Variants in MAGED1 observed in about 807,000 individuals in gnomAD.
MAGED1 encodes MAGE family member D1, also known as melanoma-associated antigen D1.
A neutral mutation model predicts 54.1 loss-of-function variants in MAGED1; 3 were observed. The observed-to-expected ratio is 0.06, with a 90% CI of 0.03 to 0.14. The LOEUF (loss-of-function observed/expected upper bound fraction) is 0.14. MAGED1 is among the 10% of genes least tolerant of loss of function. MAGED1 has a pLI of 1.00. For missense variants in MAGED1, 485 were observed against 623.4 expected (o/e 0.78, Z 2.36); for synonymous variants, 217 against 227.3 (o/e 0.95, Z 0.41).
intron 1 of MAGED1, among the ~76,000 whole-genome samples, chrX:51,852,187 C>G (rs1557359820): frequency 9.0e-6 from 1 of 111,720 alleles, no homozygotes; most frequent in Non-Finnish European, 1.9e-5. Flanking sequence ...ATTTTCAGCT[C>G]TCTGACTCTG....
chrX:51,883,957 CAG>C (rs1316573538), intron 1 of MAGED1, among the ~76,000 whole-genome samples: 2 of 111,120 alleles, frequency 1.8e-5, no homozygotes, highest in South Asian at 3.8e-4. Context: ...GTCTGAATGA[CAG>C]AGAAAAATAT....
intron 1 of MAGED1, among the ~76,000 whole-genome samples, chrX:51,868,057 CA>C (rs1226807487): frequency 2.7e-5 from 3 of 112,320 alleles, no homozygotes; most frequent in African/African-American, 9.7e-5. Context: ...AATGCTATAA[CA>C]AAACATGAAG....
At position 51,829,317 on chromosome X, in the gene MAGED1, A is replaced by G. The variant is rs955282345; in HGVS notation, c.-37+26200A>G. Among the ~76,000 whole-genome samples the G allele has an allele frequency of 3.7e-5, 4 of 107,725 alleles. No individual in the cohort carries two copies. In the South Asian group the frequency reaches 1.6e-3, roughly 42 times the overall value. The allele number at this position is 107,725 out of a possible 115,157, so 93.5% of individuals were successfully genotyped here. ...CAGAAATAGACCAGTGTGTTTGTGT[A>G]TGTGTGTGTGTGTGTGTGTATATGT... On this transcript the variant is annotated intron_variant, in intron 1 of 12. Transcript: ENST00000375772.
chrX:51,847,531 G>A (rs1159299095), intron 1 of MAGED1, among the ~76,000 whole-genome samples: 1 of 109,356 alleles, frequency 9.1e-6, no homozygotes, highest in African/African-American at 3.3e-5. Context: ...GAAGGGTGAG[G>A]GGAATGGAAT....
At chrX:51,887,010 C>T (rs782500476) in intron 1 of MAGED1, among the ~76,000 whole-genome samples, 1 of 106,985 alleles carries the variant, frequency 9.3e-6, no homozygotes, top group Non-Finnish European at 1.9e-5. Flanking sequence ...AAGCCATGAT[C>T]GCACCATTGC....
At chrX:51,832,518 C>G (rs1308493293) in intron 1 of MAGED1, among the ~76,000 whole-genome samples, 1 of 110,785 alleles carries the variant, frequency 9.0e-6, no homozygotes, top group Middle Eastern at 4.7e-3. Context: ...TCCATGAGTT[C>G]AGTTTTTTTT....
chrX:51,870,672 A>G (rs1371758814), intron 1 of MAGED1: 2 of 112,243 alleles, frequency 1.8e-5, no homozygotes, highest in Non-Finnish European at 3.8e-5. Flanking sequence ...TATCTTTTCC[A>G]GTTAACTGTT....
intron 1 of MAGED1, among the ~76,000 whole-genome samples, chrX:51,840,449 T>C (rs935309300): frequency 1.2e-4 from 13 of 109,716 alleles, no homozygotes; most frequent in Non-Finnish European, 2.3e-4. Flanking sequence ...TTATTATTAT[T>C]ATATTTTAAG....
At chrX:51,851,981 C>T (rs1045240496) in intron 1 of MAGED1, among the ~76,000 whole-genome samples, 1 of 111,774 alleles carries the variant, frequency 8.9e-6, no homozygotes, top group African/African-American at 3.3e-5. Flanking sequence ...TTATGACAAA[C>T]GTAGTTTAAA....
At chrX:51,836,137 T>G (rs1926237535) in intron 1 of MAGED1, among the ~76,000 whole-genome samples, 1 of 111,492 alleles carries the variant, frequency 9.0e-6, no homozygotes, top group Non-Finnish European at 1.9e-5. Context: ...CATAACTTTT[T>G]AAATGTCCTT....
chrX:51,843,128 T>G (rs1926567180), intron 1 of MAGED1, among the ~76,000 whole-genome samples: 1 of 112,112 alleles, frequency 8.9e-6, no homozygotes, highest in Admixed American at 9.4e-5. Context: ...TTGAACACAT[T>G]AACTGTTGCT....
chrX:51,820,983 CT>C (rs1265110813), intron 1 of MAGED1, among the ~76,000 whole-genome samples: 2 of 111,635 alleles, frequency 1.8e-5, no homozygotes, highest in African/African-American at 6.5e-5. Context: ...ATGAGATCAG[CT>C]TTTTTAAGAT....
Position 51,896,819 on chromosome X carries a change from C to T in MAGED1, c.1164C>T (p.Thr388=), listed in dbSNP as rs1557364337. The change falls in exon 4 of 13, where the codon ACC becomes ACT. Residue 388 remains threonine (T), a synonymous_variant. Coordinates refer to ENST00000326587, the MANE Select transcript of MAGED1 (RefSeq NM_006986.4). ...GGCAGACTCCACCTGGATGGCAGACCCCACCGGGCTGGCAGGGTCCTCCAG... is the reference window on the plus strand; with the variant it reads ...GGCAGACTCCACCTGGATGGCAGACTCCACCGGGCTGGCAGGGTCCTCCAG... ...PGWQTPPGWQ[T]PPGWQGPPDW... is the part of the protein sequence containing the mutation. The T allele has an allele frequency of 8.3e-7, 1 of 1,206,124 alleles. No homozygotes were observed. Among genetic ancestry groups the T allele is most frequent in the South Asian group, 1.8e-5 (1 of 56,029 alleles).
chrX:51,829,261 G>A (rs1557357188), intron 1 of MAGED1, among the ~76,000 whole-genome samples: 1 of 111,148 alleles, frequency 9.0e-6, no homozygotes, highest in African/African-American at 3.3e-5. Context: ...AGTAGATATG[G>A]GAATTGACAA....
intron 10 of MAGED1, chrX:51,899,264 C>T (rs1413875455): frequency 2.7e-5 from 3 of 110,915 alleles, no homozygotes; most frequent in Non-Finnish European, 5.6e-5. Flanking sequence ...CTGCCTCAGC[C>T]TCTTGAGTAG....
intron 1 of MAGED1, among the ~76,000 whole-genome samples, chrX:51,846,480 T>G (rs958838026): frequency 8.9e-6 from 1 of 111,970 alleles, no homozygotes; most frequent in South Asian, 3.8e-4. Context: ...ATGCTCTGTA[T>G]TGACACCTTA....
intron 1 of MAGED1, 87 bp from the exon 2 acceptor site, chrX:51,894,182 C>G (rs940123911): frequency 1.1e-5 from 6 of 523,189 alleles, no homozygotes; most frequent in East Asian, 7.3e-5. Flanking sequence ...CTTATCCGCC[C>G]GCACAGTCAG....
intron 10 of MAGED1, 72 bp from the exon 11 acceptor site, chrX:51,900,110 A>G: frequency 3.0e-6 from 2 of 657,573 alleles, no homozygotes; most frequent in Non-Finnish European, 2.5e-6. Context: ...TAAAAAATGT[A>G]AGATTATTTT....
intron 1 of MAGED1, among the ~76,000 whole-genome samples, chrX:51,823,494 A>G (rs782358353): frequency 8.9e-6 from 1 of 111,743 alleles, no homozygotes; most frequent in South Asian, 3.7e-4. Context: ...CCATTCTTTT[A>G]CGTTAAACTT....
Sources: allele counts gnomAD v4.1 joint callset (sites outside exome capture counted in the v4.1 genomes callset), GRCh38; gene constraint gnomAD v4.1.1; transcripts MANE v1.5; gene names NCBI Gene and HGNC (gene_info 2026-07-23, HGNC 2026-07-21).